Variants in LRMDA observed in about 807,000 individuals in gnomAD.
LRMDA encodes the protein leucine-rich melanocyte differentiation-associated protein.
Under a neutral mutation model 29.8 loss-of-function variants are expected in LRMDA, and 18 were observed. The observed-to-expected ratio is 0.60, with a 90% CI of 0.42 to 0.90. LRMDA has a LOEUF of 0.90. Among genes scored for constraint, LRMDA ranks in the 40% least tolerant of loss-of-function variants. LRMDA has a pLI of 0.00. For synonymous variants in LRMDA, 125 were observed against 109.4 expected, an observed-to-expected ratio of 1.14 and a Z score of -0.89; for missense variants, 273 against 273.9, an observed-to-expected ratio of 1.00 and a Z score of 0.02.
intron 2 of LRMDA, among the ~76,000 whole-genome samples, chr10:75,531,541 G>T (rs911127544): frequency 6.6e-6 from 1 of 152,168 alleles, no homozygotes; most frequent in Non-Finnish European, 1.5e-5. Flanking sequence ...AGAATATGTG[G>T]TGATGACTGG....
intron 2 of LRMDA, among the ~76,000 whole-genome samples, chr10:75,781,137 C>T (rs574438233): frequency 6.6e-6 from 1 of 152,184 alleles, no homozygotes; most frequent in African/African-American, 2.4e-5. Flanking sequence ...GGTAGTCATA[C>T]CTTTCCTCAT....
At chr10:75,804,041 A>G (rs1181207762) in intron 2 of LRMDA, among the ~76,000 whole-genome samples, 3 of 152,146 alleles carry the variant, frequency 2.0e-5, no homozygotes, top group Non-Finnish European at 4.4e-5. Context: ...TTTTGCTGTA[A>G]TGTTCTGTGA....
intron 2 of LRMDA, among the ~76,000 whole-genome samples, chr10:75,704,425 CCAAACATACCT>C (rs1163624372): frequency 6.6e-6 from 1 of 152,070 alleles, no homozygotes; most frequent in Non-Finnish European, 1.5e-5. Flanking sequence ...GCCAGTGAAC[CCAAACATACCT>C]CAAATGATGA....
intron 2 of LRMDA, among the ~76,000 whole-genome samples, chr10:75,922,561 C>T (rs960188430): frequency 3.3e-5 from 5 of 152,158 alleles, no homozygotes; most frequent in African/African-American, 9.7e-5. Flanking sequence ...TCCTCCTTAC[C>T]TTATGCTTAC....
intron 5 of LRMDA, among the ~76,000 whole-genome samples, chr10:76,235,432 G>A (rs1852134303): frequency 6.6e-6 from 1 of 152,168 alleles, no homozygotes; most frequent in African/African-American, 2.4e-5. Context: ...GGGAAAAATG[G>A]TGTTGGTAGA....
At chr10:76,046,126 C>A (rs1034770931) in intron 3 of LRMDA, among the ~76,000 whole-genome samples, 2 of 115,852 alleles carry the variant, frequency 1.7e-5, no homozygotes, top group East Asian at 2.1e-4. Flanking sequence ...CTTTTATCTG[C>A]CAACTTGGTT....
At chr10:76,067,478 T>A (rs937518122) in intron 5 of LRMDA, among the ~76,000 whole-genome samples, 1 of 152,166 alleles carries the variant, frequency 6.6e-6, no homozygotes, top group Non-Finnish European at 1.5e-5. Context: ...AAAATAAAGA[T>A]GTTTACTTAA....
intron 2 of LRMDA, among the ~76,000 whole-genome samples, chr10:75,937,553 C>T (rs916192821): frequency 2.0e-5 from 3 of 152,208 alleles, no homozygotes; most frequent in South Asian, 4.1e-4. Flanking sequence ...GTAACTCAAG[C>T]ATGTGCACCA....
chr10:76,043,646 G>A (rs1026737138), intron 3 of LRMDA, among the ~76,000 whole-genome samples: 7 of 151,938 alleles, frequency 4.6e-5, no homozygotes, highest in African/African-American at 7.2e-5. Context: ...AACCCTTGAC[G>A]CATGAGCTTT....
At position 76,084,520 on chromosome 10, in the gene LRMDA, A is replaced by G. The variant is rs940790982; in HGVS notation, c.516+25737A>G. 5.9e-5 allele frequency among the ~76,000 whole-genome samples: 9 copies of G among 151,742 alleles called. No homozygotes were observed. In the East Asian group the frequency reaches 1.5e-3, roughly 26 times the overall value. ...GTGAGCCACTGTGCCCAGCCATATT[A>G]TGTTTTTTCAAACCAGAAAGATATT... On this transcript the variant is annotated intron_variant, in intron 5 of 6. Coordinates refer to ENST00000611255, the MANE Select transcript of LRMDA (RefSeq NM_001305581.2).
At chr10:76,346,675 A>G (rs1256652018) in intron 6 of LRMDA, 3 of 152,174 alleles carry the variant, frequency 2.0e-5, no homozygotes, top group African/African-American at 7.2e-5. Flanking sequence ...ATCTTTACAT[A>G]TGTTTGTGAT....
At chr10:76,308,110 C>T (rs1226688028) in intron 5 of LRMDA, among the ~76,000 whole-genome samples, 1 of 152,112 alleles carries the variant, frequency 6.6e-6, no homozygotes, top group Non-Finnish European at 1.5e-5. Flanking sequence ...CAAACCAACC[C>T]TACTTGCCCT....
intron 2 of LRMDA, among the ~76,000 whole-genome samples, chr10:75,556,500 G>A (rs949678730): frequency 2.6e-5 from 4 of 152,188 alleles, no homozygotes; most frequent in African/African-American, 9.7e-5. Flanking sequence ...GCCAGGAACA[G>A]GTAAAGGAGG....
chr10:76,390,980 A>G (rs1042443738), intron 6 of LRMDA, among the ~76,000 whole-genome samples: 7 of 152,216 alleles, frequency 4.6e-5, no homozygotes, highest in African/African-American at 1.7e-4. Context: ...GGAATTTTCA[A>G]CATATGATAG....
intron 6 of LRMDA, among the ~76,000 whole-genome samples, chr10:76,467,215 T>C (rs955462217): frequency 3.3e-5 from 5 of 152,172 alleles, no homozygotes; most frequent in Non-Finnish European, 7.4e-5. Context: ...TGTCCTGTAG[T>C]ACAGTAGGGT....
intron 5 of LRMDA, among the ~76,000 whole-genome samples, chr10:76,198,720 A>T (rs774292649): frequency 6.6e-5 from 10 of 152,224 alleles, no homozygotes; most frequent in Non-Finnish European, 1.0e-4. Flanking sequence ...TCCAGTTGTG[A>T]GCTGGTTTCT....
At chr10:75,983,089 T>C (rs867862552) in intron 2 of LRMDA, among the ~76,000 whole-genome samples, 1 of 152,278 alleles carries the variant, frequency 6.6e-6, no homozygotes, top group Middle Eastern at 3.4e-3. Context: ...TTGCCTCCTT[T>C]GCAAGTCAAC....
chr10:75,647,661 A>C (rs1409551850), intron 2 of LRMDA: 2 of 152,114 alleles, frequency 1.3e-5, no homozygotes, highest in East Asian at 3.9e-4. Flanking sequence ...CAAGACTCTT[A>C]ATTGCATTAA....
intron 5 of LRMDA, among the ~76,000 whole-genome samples, chr10:76,167,848 A>G (rs1850768304): frequency 6.6e-6 from 1 of 152,070 alleles, no homozygotes; most frequent in South Asian, 2.1e-4. Flanking sequence ...TTTGAACAGT[A>G]TGGCCATTTT....
Sources: gnomAD v4.1 joint callset for allele counts (sites outside exome capture counted in the v4.1 genomes callset) on GRCh38, gnomAD v4.1.1 for gene constraint, MANE v1.5 for transcripts, NCBI Gene and HGNC (gene_info 2026-07-23, HGNC 2026-07-21) for gene names.